Variants in THSD7B observed in about 807,000 individuals in gnomAD.
THSD7B encodes thrombospondin type-1 domain-containing protein 7B.
Under a neutral mutation model 213.6 loss-of-function variants are expected in THSD7B, and 138 were observed. The ratio of observed to expected loss-of-function variants is 0.65; its 90% confidence interval spans 0.56 to 0.74. The LOEUF is 0.74. Among genes scored for constraint, THSD7B ranks in the 30% least tolerant of loss-of-function variants. THSD7B has a pLI of 0.00. For synonymous variants in THSD7B, 742 were observed against 687.0 expected (o/e 1.08, Z -1.25); for missense variants, 1,931 against 1,991.5 (o/e 0.97, Z 0.58).
At chr2:137,078,146 C>T (rs770169003) in intron 3 of THSD7B, among the ~76,000 whole-genome samples, 3 of 152,120 alleles carry the variant, frequency 2.0e-5, no homozygotes, top group Non-Finnish European at 4.4e-5. Flanking sequence ...AGATATGCGG[C>T]ATTATTTCTG....
chr2:137,216,239 A>T (rs1488793908), intron 7 of THSD7B, among the ~76,000 whole-genome samples: 2 of 151,434 alleles, frequency 1.3e-5, no homozygotes, highest in East Asian at 2.0e-4. Flanking sequence ...TTCTGCCAAA[A>T]GCAGTTGTCA....
At chr2:137,504,805 T>C (rs922091530) in intron 15 of THSD7B, among the ~76,000 whole-genome samples, 1 of 152,074 alleles carries the variant, frequency 6.6e-6, no homozygotes, top group African/African-American at 2.4e-5. Flanking sequence ...CCAAGTAAAA[T>C]AGTATAGAGA....
intron 1 of THSD7B, among the ~76,000 whole-genome samples, chr2:136,848,478 C>A (rs1313596191): frequency 6.6e-6 from 1 of 152,010 alleles, no homozygotes; most frequent in Non-Finnish European, 1.5e-5. Context: ...TGAAAACTAG[C>A]AAAAGAACAT....
At chr2:137,133,534 G>A (rs1688779206) in intron 5 of THSD7B, among the ~76,000 whole-genome samples, 1 of 151,946 alleles carries the variant, frequency 6.6e-6, no homozygotes, top group Admixed American at 6.6e-5. Context: ...AAATAAAGTT[G>A]GCGTGGGAGT....
intron 7 of THSD7B, among the ~76,000 whole-genome samples, chr2:137,201,132 T>G (rs1345543639): frequency 2.0e-5 from 3 of 152,200 alleles, no homozygotes; most frequent in Non-Finnish European, 4.4e-5. Context: ...CTAAATAGCA[T>G]TCCATTGTTT....
At chr2:136,903,972 GTT>G (rs771650220) in intron 2 of THSD7B, among the ~76,000 whole-genome samples, 39,380 of 84,618 alleles carry the variant, frequency 0.47, 7,103 homozygotes, top group Non-Finnish European at 0.51. Flanking sequence ...GTGTGTGTGT[GTT>G]TGTTTGTTTC....
intron 7 of THSD7B, among the ~76,000 whole-genome samples, chr2:137,173,265 A>G (rs1326426896): frequency 6.6e-6 from 1 of 152,196 alleles, no homozygotes; most frequent in Non-Finnish European, 1.5e-5. Flanking sequence ...CATGAAAATA[A>G]TAAGGAGGAT....
chr2:137,391,398 T>TA (rs1387558560), intron 12 of THSD7B, among the ~76,000 whole-genome samples: 1 of 152,160 alleles, frequency 6.6e-6, no homozygotes, highest in Non-Finnish European at 1.5e-5. Context: ...AAAATCTTTT[T>TA]AAAGAACAGG....
intron 5 of THSD7B, among the ~76,000 whole-genome samples, chr2:137,156,871 G>A (rs564839024): frequency 2.0e-5 from 3 of 152,304 alleles, no homozygotes; most frequent in African/African-American, 7.2e-5. Flanking sequence ...TACAGAGGTT[G>A]TGGCAGCAGC....
At chr2:136,852,360 C>CA (rs1181471561) in intron 1 of THSD7B, among the ~76,000 whole-genome samples, 2 of 147,682 alleles carry the variant, frequency 1.4e-5, no homozygotes, top group African/African-American at 4.9e-5. Flanking sequence ...ACAAAAAAAC[C>CA]AAAAAACCAC....
rs1389728547 is a variant in THSD7B at position 137,657,137 on chromosome 2, G to A, written c.4352G>A (p.Arg1451His). The stretch of plus-strand genomic sequence containing the variant: ...AACGAACGAACTGTATGGTGCCAGC[G>A]TTCAGATGGCGTTAATGTCACAGGT... The part of the protein sequence containing the change: ...NNNERTVWCQ[R>H]SDGVNVTGGC... Residue 1451 changes from arginine (R) to histidine (H), a missense_variant, in exon 24 of 28, where the codon CGT becomes CAT. Coordinates refer to ENST00000409968, the MANE Select transcript of THSD7B (RefSeq NM_001316349.2). 11 of 1,613,816 alleles carry A rather than the reference G, an allele frequency of 6.8e-6. No individual in the cohort carries two copies. The highest frequency in any genetic ancestry group is 2.2e-5 in the South Asian group (2 of 91,072).
intron 12 of THSD7B, among the ~76,000 whole-genome samples, chr2:137,339,803 A>G (rs994890374): frequency 2.4e-4 from 36 of 151,536 alleles, no homozygotes; most frequent in Non-Finnish European, 1.5e-4. Context: ...CTCTTTCCTC[A>G]GCTTTTTCTT....
intron 1 of THSD7B, among the ~76,000 whole-genome samples, chr2:136,858,794 C>G (rs1683215314): frequency 6.6e-6 from 1 of 152,196 alleles, no homozygotes; most frequent in African/African-American, 2.4e-5. Flanking sequence ...TGGAAAAAAA[C>G]TTAAGCAGAC....
At position 137,347,555 on chromosome 2, in the gene THSD7B, A is replaced by AT. The variant is rs5834547; in HGVS notation, c.2501-58038dup. On this transcript the variant is annotated intron_variant, in intron 12 of 27. Transcript: ENST00000409968. ...GAATGACTTACATTCACTGATATTG[A>AT]TTTTTTTTTTTTTTTTTTTTAAATA... Among the ~76,000 whole-genome samples, 1,006 of 135,364 alleles carry AT rather than the reference A, an allele frequency of 7.4e-3. 5 individuals are homozygous for AT. The highest frequency in any genetic ancestry group is 0.028 in the East Asian group (124 of 4,478). 88.8% of individuals were successfully genotyped at this position (135,364 alleles called of 152,430 possible). A position where few individuals can be genotyped will look rare whatever the true frequency, so the allele number is the denominator to read the frequency against.
At chr2:136,931,613 C>T (rs759135139) in intron 2 of THSD7B, among the ~76,000 whole-genome samples, 10 of 152,142 alleles carry the variant, frequency 6.6e-5, no homozygotes, top group Non-Finnish European at 1.0e-4. Flanking sequence ...CTCCCCATGT[C>T]CCTGTGATTC....
chr2:137,546,435 T>TATATATATTATATATTA (rs1558834393), intron 15 of THSD7B, among the ~76,000 whole-genome samples: 1 of 32,734 alleles, frequency 3.1e-5, no homozygotes, highest in Non-Finnish European at 4.6e-5. Flanking sequence ...TATATATATA[T>TATATATATTATATATTA]TATATATATT....
chr2:137,030,356 G>A (rs16837886), intron 2 of THSD7B, among the ~76,000 whole-genome samples: 10,870 of 152,234 alleles, frequency 0.071, 423 homozygotes, highest in East Asian at 0.14. Flanking sequence ...AGTTTATCCA[G>A]AATATAGTCA....
intron 4 of THSD7B, among the ~76,000 whole-genome samples, chr2:137,108,892 T>C (rs1688299724): frequency 6.6e-6 from 1 of 152,134 alleles, no homozygotes; most frequent in African/African-American, 2.4e-5. Flanking sequence ...CTATAATACG[T>C]GGTGTCCTTA....
intron 2 of THSD7B, among the ~76,000 whole-genome samples, chr2:137,054,089 T>C (rs909769746): frequency 6.6e-6 from 1 of 152,114 alleles, no homozygotes; most frequent in Non-Finnish European, 1.5e-5. Context: ...AACATCTCAA[T>C]TTGCAAAGTA....
Sources: allele counts gnomAD v4.1 joint callset (sites outside exome capture counted in the v4.1 genomes callset), GRCh38; gene constraint gnomAD v4.1.1; transcripts MANE v1.5; gene names NCBI Gene and HGNC (gene_info 2026-07-23, HGNC 2026-07-21).